The following ASTN2 variants were observed in gnomAD, a reference collection of about 807,000 sequenced individuals.
ASTN2 encodes the protein astrotactin 2.
In ASTN2, 54 loss-of-function variants were observed where a neutral mutation model predicts 139.8. The observed-to-expected ratio is 0.39, with a 90% CI of 0.31 to 0.48. The LOEUF (loss-of-function observed/expected upper bound fraction) is 0.48. ASTN2 is among the 20% of genes least tolerant of loss of function. ASTN2 has a pLI of 0.95. For missense variants in ASTN2, 1,565 were observed against 1,725.1 expected, an observed-to-expected ratio of 0.91 and a Z score of 1.64; for synonymous variants, 756 against 719.5, an observed-to-expected ratio of 1.05 and a Z score of -0.81.
intron 10 of ASTN2, among the ~76,000 whole-genome samples, chr9:116,893,399 G>A (rs902871850): frequency 6.6e-6 from 1 of 152,118 alleles, no homozygotes; most frequent in Non-Finnish European, 1.5e-5. Context: ...GCCCTGATGG[G>A]AAGCTCAGCA....
intron 10 of ASTN2, among the ~76,000 whole-genome samples, chr9:116,948,337 T>G (rs1433620072): frequency 1.3e-5 from 2 of 152,196 alleles, no homozygotes; most frequent in African/African-American, 4.8e-5. Context: ...GGTGGTTTCT[T>G]GTTTACTGAC....
chr9:116,499,243 T>G (rs1014142625), intron 19 of ASTN2, among the ~76,000 whole-genome samples: 1 of 152,214 alleles, frequency 6.6e-6, no homozygotes, highest in East Asian at 1.9e-4. Flanking sequence ...GCCTTGTCCA[T>G]GTTGTTCATG....
chr9:116,942,675 G>T (rs1025163316), intron 10 of ASTN2, among the ~76,000 whole-genome samples: 3 of 152,220 alleles, frequency 2.0e-5, no homozygotes, highest in Admixed American at 1.3e-4. Context: ...CCCTGAGCAG[G>T]TGTCCTTTCT....
chr9:117,167,175 G>A (rs1225525273), intron 3 of ASTN2, among the ~76,000 whole-genome samples: 3 of 151,956 alleles, frequency 2.0e-5, no homozygotes, highest in African/African-American at 4.8e-5. Context: ...CGAAACACAC[G>A]ATCTATATTG....
At chr9:116,932,110 A>G (rs1247387068) in intron 10 of ASTN2, among the ~76,000 whole-genome samples, 3 of 152,192 alleles carry the variant, frequency 2.0e-5, no homozygotes, top group Admixed American at 6.5e-5. Context: ...GCCAAGGCCA[A>G]TGGGAAGCTG....
At chr9:117,148,613 C>T (rs1299411320) in intron 3 of ASTN2, among the ~76,000 whole-genome samples, 2 of 152,172 alleles carry the variant, frequency 1.3e-5, no homozygotes, top group Admixed American at 6.5e-5. Flanking sequence ...TCCCTGCTTT[C>T]CCAAGTTTTA....
rs138314109 is a variant in ASTN2 at position 116,567,984 on chromosome 9, C to T, written c.3355+50340G>A. Among the ~76,000 whole-genome samples, 948 of 152,308 alleles carry T rather than the reference C, an allele frequency of 6.2e-3. 14 individuals are homozygous for T. Among genetic ancestry groups the T allele is most frequent in the African/African-American group, 0.021 (887 of 41,552 alleles). On this transcript the variant is annotated intron_variant, in intron 19 of 22. Coordinates refer to ENST00000313400, the MANE Select transcript of ASTN2 (RefSeq NM_001365068.1). ...GTAGCTAACATTCACTGAGCCTCTA[C>T]TGTATACATGAATATTATTATCACC...
intron 3 of ASTN2, among the ~76,000 whole-genome samples, chr9:117,142,492 C>A (rs1830098883): frequency 6.6e-6 from 1 of 152,160 alleles, no homozygotes; most frequent in Admixed American, 6.5e-5. Flanking sequence ...CCCCAAAACA[C>A]AATATATGTC....
chr9:116,440,660 T>A lies in ASTN2; in HGVS notation c.3731A>T (p.Tyr1244Phe). The change falls in exon 22 of 23, where the codon TAT becomes TTT. Residue 1244 changes from tyrosine (Y) to phenylalanine (F), a missense_variant. By Grantham distance (22) the Tyr-to-Phe change is conservative (BLOSUM62 3). Coordinates refer to ENST00000313400, the MANE Select transcript of ASTN2 (RefSeq NM_001365068.1). ...CCAGACGAAGTCGCCAAACTTTTCATAGTGAGAGTTGTAGTGGTGCTGGAC... is the reference window on the plus strand; with the variant it reads ...CCAGACGAAGTCGCCAAACTTTTCAAAGTGAGAGTTGTAGTGGTGCTGGAC... ...FRVQHHYNSH[Y>F]EKFGDFVWRS... 6.2e-7 allele frequency: 1 copy of A among 1,614,130 alleles called. No homozygotes were observed. Among genetic ancestry groups the A allele is most frequent in the Non-Finnish European group, 8.5e-7 (1 of 1,180,026 alleles).
At chr9:116,658,296 A>G (rs1858347649) in intron 16 of ASTN2, among the ~76,000 whole-genome samples, 1 of 152,094 alleles carries the variant, frequency 6.6e-6, no homozygotes, top group South Asian at 2.1e-4. Flanking sequence ...TCACCTGAAA[A>G]AGCTGCAGTG....
intron 1 of ASTN2, among the ~76,000 whole-genome samples, chr9:117,404,087 C>A (rs922611685): frequency 1.3e-5 from 2 of 152,288 alleles, no homozygotes; most frequent in South Asian, 2.1e-4. Flanking sequence ...CCAGATGCTG[C>A]GCTAGGTGCT....
rs564652804 is a variant in ASTN2, at chr9:117,197,064, C to T, written c.1015+17294G>A. The T allele has an allele frequency of 7.9e-5, 12 of 152,282 alleles. No individual in the cohort carries two copies. In the South Asian group the frequency reaches 8.3e-4, roughly 11 times the overall value. The allele number at this position is 152,282 out of a possible 1,614,324, so 9.4% of individuals were successfully genotyped here. A position where few individuals can be genotyped will look rare whatever the true frequency, so the allele number is the denominator to read the frequency against. The stretch of plus-strand genomic sequence containing the variant: ...TTACAAGAATAGCTAGCTAGGTATA[C>T]GTACAAAGATGTTTGTTGACCCATC... On this transcript the variant is annotated intron_variant, in intron 3 of 22. Transcript: ENST00000313400.
At chr9:116,565,854 A>T (rs756308869) in intron 19 of ASTN2, among the ~76,000 whole-genome samples, 6 of 152,168 alleles carry the variant, frequency 3.9e-5, no homozygotes, top group Admixed American at 2.0e-4. Context: ...CTAATGGATT[A>T]TGACCTGAAG....
intron 7 of ASTN2, among the ~76,000 whole-genome samples, chr9:116,989,772 C>T (rs1368456842): frequency 6.6e-6 from 1 of 151,976 alleles, no homozygotes; most frequent in Non-Finnish European, 1.5e-5. Flanking sequence ...TTAGTAGAGA[C>T]AGGGTTTCAT....
chr9:116,967,748 G>A (rs187518158), intron 10 of ASTN2, among the ~76,000 whole-genome samples: 5 of 152,262 alleles, frequency 3.3e-5, no homozygotes, highest in East Asian at 1.9e-4. Context: ...CTCTGCTGCC[G>A]GGATCCTTCT....
intron 13 of ASTN2, among the ~76,000 whole-genome samples, chr9:116,749,719 T>C (rs983567616): frequency 3.3e-5 from 5 of 152,162 alleles, no homozygotes; most frequent in African/African-American, 9.7e-5. Context: ...TTGGAGGTGA[T>C]TGGATCATGG....
At chr9:117,218,188 C>A (rs981586649) in intron 2 of ASTN2, among the ~76,000 whole-genome samples, 3 of 152,198 alleles carry the variant, frequency 2.0e-5, no homozygotes. Flanking sequence ...GGCAGAGGGA[C>A]CCCCTGGTTT....
At position 116,850,844 on chromosome 9, in the gene ASTN2, A is replaced by G. The variant is rs144847006; in HGVS notation, c.2040+12739T>C. On this transcript the variant is annotated intron_variant, in intron 11 of 22. Transcript: ENST00000313400. ...AGAGAGAAGCAGCAGCCCAAACCAG[A>G]GTCTACACCAGAGGGAATCATTATG... Among the ~76,000 whole-genome samples, 926 of 150,526 alleles carry G rather than the reference A, an allele frequency of 6.2e-3. 8 individuals are homozygous for G. The highest frequency in any genetic ancestry group is 0.021 in the African/African-American group (868 of 40,932).
At chr9:117,295,585 C>T (rs561102625) in intron 1 of ASTN2, among the ~76,000 whole-genome samples, 60 of 150,894 alleles carry the variant, frequency 4.0e-4, no homozygotes, top group African/African-American at 1.4e-3. Flanking sequence ...CTTTAAAATG[C>T]TTAATGCATA....
Sources: allele counts gnomAD v4.1 joint callset (sites outside exome capture counted in the v4.1 genomes callset), GRCh38; gene constraint gnomAD v4.1.1; transcripts MANE v1.5; gene names NCBI Gene and HGNC (gene_info 2026-07-23, HGNC 2026-07-21).